Variants in CPNE4 observed in about 807,000 individuals in gnomAD.
The protein encoded by CPNE4 is copine-4.
CPNE4 carries 25 observed loss-of-function variants against 67.9 expected under a neutral mutation model. The observed-to-expected ratio is 0.37, with a 90% CI of 0.27 to 0.51. The LOEUF is 0.51. CPNE4 is among the 20% of genes least tolerant of loss of function. CPNE4 has a pLI of 0.93. For missense variants in CPNE4, 464 were observed against 690.8 expected, an observed-to-expected ratio of 0.67 and a Z score of 3.68; for synonymous variants, 242 against 244.9, an observed-to-expected ratio of 0.99 and a Z score of 0.11.
chr3:132,009,790 T>C (rs1464634365), intron 1 of CPNE4, among the ~76,000 whole-genome samples: 1 of 152,208 alleles, frequency 6.6e-6, no homozygotes, highest in African/African-American at 2.4e-5. Flanking sequence ...TGGGGGTATT[T>C]GGCAAAGCCT....
intron 2 of CPNE4, among the ~76,000 whole-genome samples, chr3:131,877,457 T>C (rs1354639756): frequency 6.6e-6 from 1 of 152,100 alleles, no homozygotes; most frequent in Non-Finnish European, 1.5e-5. Flanking sequence ...TTGTTTAAGA[T>C]CCTCTAGCCT....
chr3:131,661,958 T>G (rs555630517), intron 7 of CPNE4, among the ~76,000 whole-genome samples: 30 of 152,190 alleles, frequency 2.0e-4, no homozygotes, highest in African/African-American at 7.0e-4. Flanking sequence ...ATTAAAGCCC[T>G]TTCTATGGGT....
chr3:132,002,246 C>T (rs1198846847), intron 1 of CPNE4, among the ~76,000 whole-genome samples: 1 of 152,118 alleles, frequency 6.6e-6, no homozygotes, highest in African/African-American at 2.4e-5. Flanking sequence ...AGACCAATTG[C>T]TGCAGAGATG....
chr3:131,567,531 G>T (rs1937121607), intron 10 of CPNE4, among the ~76,000 whole-genome samples: 1 of 151,956 alleles, frequency 6.6e-6, no homozygotes, highest in Admixed American at 6.6e-5. Context: ...CAGAGTGAGA[G>T]TCTCCTTAAA....
intron 2 of CPNE4, among the ~76,000 whole-genome samples, chr3:131,792,303 G>C (rs1254776269): frequency 6.6e-6 from 1 of 151,830 alleles, no homozygotes; most frequent in Admixed American, 6.6e-5. Flanking sequence ...TTTCAGGAAA[G>C]ATATTTTAAT....
At chr3:131,849,375 A>G (rs1272106898) in intron 2 of CPNE4, among the ~76,000 whole-genome samples, 2 of 152,158 alleles carry the variant, frequency 1.3e-5, no homozygotes. Context: ...GAGAGGCCTC[A>G]GGAAACGTTC....
At chr3:131,648,513 G>A (rs55647090) in intron 7 of CPNE4, among the ~76,000 whole-genome samples, 12,835 of 152,282 alleles carry the variant, frequency 0.084, 663 homozygotes, top group African/African-American at 0.14. Flanking sequence ...TTCATAGACA[G>A]TAGGTCTTGA....
intron 2 of CPNE4, among the ~76,000 whole-genome samples, chr3:131,734,823 C>G (rs186771518): frequency 6.6e-5 from 10 of 152,166 alleles, no homozygotes; most frequent in Admixed American, 4.6e-4. Flanking sequence ...CCCAGGGAGT[C>G]GAGGCTGCAG....
upstream of CPNE4, among the ~76,000 whole-genome samples, chr3:132,037,104 G>T (rs116328720): frequency 9.7e-3 from 1,470 of 152,306 alleles, 21 homozygotes; most frequent in African/African-American, 0.034. Flanking sequence ...CCATAGAAAA[G>T]AAGTTATAGA....
chr3:131,784,166 C>A (rs1335011170), intron 2 of CPNE4, among the ~76,000 whole-genome samples: 2 of 152,000 alleles, frequency 1.3e-5, no homozygotes, highest in East Asian at 3.9e-4. Flanking sequence ...ACCTGTCTGA[C>A]CAATGATTGA....
chr3:131,535,239 A>C lies in CPNE4; in HGVS notation c.1630T>G (p.Cys544Gly). Reference protein sequence around the residue: ...YYNGKGIKPKCSSEMYESSRT... With the variant: ...YYNGKGIKPKGSSEMYESSRT... ...GAAGATTCATACATTTCTGATGAACATTTTGGTTTAATTCCTTTGCCATTG... is the reference window on the plus strand; with the variant it reads ...GAAGATTCATACATTTCTGATGAACCTTTTGGTTTAATTCCTTTGCCATTG... The change falls in exon 16 of 16, where the codon TGT (cysteine) becomes GGT (glycine). Residue 544 changes from cysteine to glycine, a missense_variant. This residue lies in a region of CPNE4 where 201 missense variants were observed against 357.7 expected (regional missense o/e 0.56). Transcript: ENST00000429747. 6.2e-7 allele frequency: 1 copy of C among 1,613,804 alleles called. No individual in the cohort carries two copies. The highest frequency in any genetic ancestry group is 2.2e-5 in the East Asian group (1 of 44,862).
At chr3:131,867,277 C>T (rs932132146) in intron 2 of CPNE4, among the ~76,000 whole-genome samples, 1 of 152,004 alleles carries the variant, frequency 6.6e-6, no homozygotes, top group African/African-American at 2.4e-5. Context: ...CTGTTCGGAG[C>T]AGGTCAGAAA....
At chr3:131,986,954 A>G (rs2073064791) in intron 1 of CPNE4, among the ~76,000 whole-genome samples, 1 of 152,188 alleles carries the variant, frequency 6.6e-6, no homozygotes, top group Non-Finnish European at 1.5e-5. Flanking sequence ...AGAATTTTCA[A>G]AAAGTCCTGA....
chr3:131,570,303 C>T (rs1967205), intron 10 of CPNE4, among the ~76,000 whole-genome samples: 142,489 of 151,208 alleles, frequency 0.94, 67,489 homozygotes, highest in Middle Eastern at 0.98. Context: ...CTACCATTTT[C>T]TCTTTTTATT....
rs1410131686 is a variant in CPNE4, at chr3:131,910,552, C to A, written c.-1-5108G>T. Among the ~76,000 whole-genome samples the A allele has an allele frequency of 2.0e-5, 3 of 152,126 alleles. No homozygotes were observed. In the East Asian group the frequency reaches 5.8e-4, roughly 29 times the overall value. On this transcript the variant is annotated intron_variant, in intron 1 of 15. Transcript: ENST00000429747. The stretch of plus-strand genomic sequence containing the variant: ...CTGGAGTACAGCTTCAATCTGATTC[C>A]ATGGGGGCTCTGGGACATGAATTGT...
intron 6 of CPNE4, among the ~76,000 whole-genome samples, chr3:131,673,382 T>C (rs144392065): frequency 6.6e-6 from 1 of 152,090 alleles, no homozygotes; most frequent in Non-Finnish European, 1.5e-5. Flanking sequence ...ATGTCATTGG[T>C]ATTTTGATAA....
At chr3:131,906,250 TTTTTG>T (rs1205224808) in intron 1 of CPNE4, among the ~76,000 whole-genome samples, 6 of 152,198 alleles carry the variant, frequency 3.9e-5, no homozygotes, top group East Asian at 1.9e-4. Flanking sequence ...TGTTTTTGTT[TTTTTG>T]TTTTATTATT....
intron 7 of CPNE4, among the ~76,000 whole-genome samples, chr3:131,642,226 G>C (rs1276105014): frequency 6.6e-6 from 1 of 152,170 alleles, no homozygotes; most frequent in African/African-American, 2.4e-5. Flanking sequence ...CAGAGACCAG[G>C]AAGGTAATAT....
At chr3:131,550,528 A>C (rs554854639) in intron 13 of CPNE4, among the ~76,000 whole-genome samples, 1 of 152,080 alleles carries the variant, frequency 6.6e-6, no homozygotes, top group Non-Finnish European at 1.5e-5. Context: ...AGCTAGCTTC[A>C]ATGTTGCACT....
Sources: allele counts gnomAD v4.1 joint callset (sites outside exome capture counted in the v4.1 genomes callset), GRCh38; gene constraint gnomAD v4.1.1; regional missense constraint gnomAD v4.1.1; transcripts MANE v1.5; gene names NCBI Gene and HGNC (gene_info 2026-07-23, HGNC 2026-07-21).